Variants in CRACDL observed in about 807,000 individuals in gnomAD.
CRACDL encodes CRACD-like protein.
In CRACDL, 26 loss-of-function variants were observed where a neutral mutation model predicts 70.6. The ratio of observed to expected loss-of-function variants is 0.37; its 90% CI spans 0.27 to 0.51. The LOEUF (loss-of-function observed/expected upper bound fraction) is 0.51, where lower values mean the gene tolerates loss of function less well. Among genes scored for constraint, CRACDL ranks in the 20% least tolerant of loss-of-function variants. The pLI is 0.94. For synonymous variants in CRACDL, 618 were observed against 615.2 expected (o/e 1.00, Z -0.07); for missense variants, 1,283 against 1,376.9 (o/e 0.93, Z 1.08).
intron 7 of CRACDL, among the ~76,000 whole-genome samples, chr2:98,805,828 G>C (rs1704268091): frequency 6.6e-6 from 1 of 152,240 alleles, no homozygotes; most frequent in Non-Finnish European, 1.5e-5. Context: ...TCCCAGGCCA[G>C]GCTTTCTGTG....
At chr2:98,852,900 G>T (rs1706536088) in intron 1 of CRACDL, among the ~76,000 whole-genome samples, 1 of 148,302 alleles carries the variant, frequency 6.7e-6, no homozygotes. Flanking sequence ...GGAGTGGGGG[G>T]AGTGTGAAGA....
Position 98,869,250 on chromosome 2 carries a change from GT to G in CRACDL, c.-10-22441del, listed in dbSNP as rs1375293317. 2.4e-6 allele frequency: 3 copies of G among 1,270,722 alleles called. No homozygotes were observed. The African/African-American group carries it at 4.6e-5, about 20-fold the overall frequency. 78.7% of individuals were successfully genotyped at this position (1,270,722 alleles called of 1,614,324 possible). On this transcript the variant is annotated intron_variant, in intron 1 of 9. Transcript: ENST00000397899. ...CACTGGTTGCTGATCAAGAGCCCTT[GT>G]CCCCATCTCTCACAGAAGTACCCGT... is the stretch of plus-strand genomic sequence containing the variant.
At chr2:98,883,614 C>T (rs1707716191) in intron 1 of CRACDL, among the ~76,000 whole-genome samples, 1 of 152,130 alleles carries the variant, frequency 6.6e-6, no homozygotes, top group African/African-American at 2.4e-5. Context: ...TTGGGAAGAG[C>T]GTGTTTGTAT....
rs758137296 is a variant in CRACDL at position 98,823,180 on chromosome 2, C to T, written c.1093G>A (p.Gly365Ser). 1 of 1,505,846 alleles carries T rather than the reference C, an allele frequency of 6.6e-7. No homozygotes were observed. The highest frequency in any genetic ancestry group is 2.2e-5 in the Admixed American group (1 of 46,214). 93.3% of individuals were successfully genotyped at this position (1,505,846 alleles called of 1,614,324 possible). A position where few individuals can be genotyped will look rare whatever the true frequency, so the allele number is the denominator to read the frequency against. The change falls in exon 7 of 10, where the codon GGT becomes AGT. Residue 365 changes from glycine to serine, a missense_variant. This residue lies in a region of CRACDL where 921 missense variants were observed against 881.9 expected (regional missense o/e 1.04). Coordinates refer to ENST00000397899, the MANE Select transcript of CRACDL (RefSeq NM_207362.3). The surrounding 1 kb of genome is among the most constrained non-coding windows in gnomAD (Gnocchi z 4.0). ...CCATCCTGCTTTCCGCCGTCGGGAC[C>T]GGGATTCGGGGGGCCCTCCGGCGGG... is the stretch of plus-strand genomic sequence containing the variant. Reference protein sequence around the residue: ...PSPPEGPPNPGPDGGKQDGEA... With the variant: ...PSPPEGPPNPSPDGGKQDGEA...
At chr2:98,882,647 T>G (rs1707684053) in intron 1 of CRACDL, among the ~76,000 whole-genome samples, 1 of 152,110 alleles carries the variant, frequency 6.6e-6, no homozygotes, top group African/African-American at 2.4e-5. Flanking sequence ...GTCTCTCTGG[T>G]TTTTTTAAAG....
chr2:98,895,281 G>A (rs1388069553), intron 1 of CRACDL, among the ~76,000 whole-genome samples: 1 of 152,200 alleles, frequency 6.6e-6, no homozygotes, highest in Non-Finnish European at 1.5e-5. Context: ...AGATCTTATA[G>A]CCTAGATCTA....
intron 1 of CRACDL, among the ~76,000 whole-genome samples, chr2:98,883,319 T>C (rs908058009): frequency 8.5e-5 from 13 of 152,166 alleles, no homozygotes; most frequent in African/African-American, 3.1e-4. Context: ...GGAGGTCTTG[T>C]TGGCATGGAG....
intron 7 of CRACDL, among the ~76,000 whole-genome samples, chr2:98,815,774 C>T (rs113063228): frequency 0.022 from 3,366 of 152,254 alleles, 134 homozygotes; most frequent in African/African-American, 0.077. Context: ...CCATCTTCAG[C>T]AGGGGTGAGG....
At chr2:98,853,978 G>A (rs1036951544) in intron 1 of CRACDL, among the ~76,000 whole-genome samples, 8 of 152,048 alleles carry the variant, frequency 5.3e-5, no homozygotes, top group African/African-American at 1.9e-4. Context: ...CAAATAGGAA[G>A]AACAGAGGAA....
At chr2:98,849,578 G>C (rs186932053) in intron 1 of CRACDL, among the ~76,000 whole-genome samples, 2 of 151,968 alleles carry the variant, frequency 1.3e-5, no homozygotes, top group East Asian at 1.9e-4. Context: ...GGGCCGGGGA[G>C]GGGGGAGCAT....
intron 1 of CRACDL, among the ~76,000 whole-genome samples, chr2:98,928,933 C>T (rs1054238876): frequency 7.9e-5 from 12 of 152,184 alleles, no homozygotes; most frequent in African/African-American, 2.7e-4. Context: ...ATGATCACAG[C>T]TCAGAGACCG....
At chr2:98,902,347 G>A (rs373674906) in intron 1 of CRACDL, among the ~76,000 whole-genome samples, 2 of 152,122 alleles carry the variant, frequency 1.3e-5, no homozygotes, top group Non-Finnish European at 2.9e-5. Context: ...GAGAAGGCCC[G>A]TGATGACCCT....
chr2:98,808,865 C>A (rs530465247), intron 7 of CRACDL, among the ~76,000 whole-genome samples: 1 of 152,352 alleles, frequency 6.6e-6, no homozygotes, highest in East Asian at 1.9e-4. Context: ...TCTGAAATGG[C>A]ACCAGTGCAG....
intron 3 of CRACDL, among the ~76,000 whole-genome samples, chr2:98,837,257 C>T (rs1036802624): frequency 2.0e-5 from 3 of 150,382 alleles, no homozygotes; most frequent in African/African-American, 7.4e-5. Context: ...TCATCTGGTG[C>T]CACCAAGTGG....
intron 3 of CRACDL, among the ~76,000 whole-genome samples, chr2:98,836,062 C>G (rs1705766488): frequency 6.6e-6 from 1 of 152,122 alleles, no homozygotes. Context: ...AAAGCAAAGC[C>G]AGAATATGGG....
At chr2:98,824,578 G>A (rs1020036513) in intron 6 of CRACDL, among the ~76,000 whole-genome samples, 3 of 152,094 alleles carry the variant, frequency 2.0e-5, no homozygotes, top group Admixed American at 1.3e-4. Flanking sequence ...TGACGAAAAG[G>A]TTGATGGTGT....
In CRACDL at chr2:98,823,175, G is replaced by C. The variant is rs1399381077; in HGVS notation, c.1098C>G (p.Pro366=). The C allele has an allele frequency of 6.6e-7, 1 of 1,520,922 alleles. No homozygotes were observed. Among genetic ancestry groups the C allele is most frequent in the Non-Finnish European group, 8.8e-7 (1 of 1,137,354 alleles). The allele number at this position is 1,520,922 out of a possible 1,614,324, so 94.2% of individuals were successfully genotyped here. A position where few individuals can be genotyped will look rare whatever the true frequency, so the allele number is the denominator to read the frequency against. Residue 366 remains proline, a synonymous_variant, in exon 7 of 10, where the codon CCC becomes CCG. Transcript: ENST00000397899. This position sits in a 1 kb window ranked among gnomAD's most constrained non-coding sequence, Gnocchi z 4.0. ...CCTCCCCATCCTGCTTTCCGCCGTCGGGACCGGGATTCGGGGGGCCCTCCG... is the reference window on the plus strand; with the variant it reads ...CCTCCCCATCCTGCTTTCCGCCGTCCGGACCGGGATTCGGGGGGCCCTCCG... ...SPPEGPPNPG[P]DGGKQDGEAP...
rs752134948 is a variant in CRACDL, at chr2:98,823,174, C to T, written c.1099G>A (p.Asp367Asn). ...PPEGPPNPGP[D>N]GGKQDGEAPP... is the part of the protein sequence containing the mutation. ...GCCTCCCCATCCTGCTTTCCGCCGT[C>T]GGGACCGGGATTCGGGGGGCCCTCC... Residue 367 changes from aspartate (D) to asparagine (N), a missense_variant, in exon 7 of 10, where the codon GAC (aspartate) becomes AAC (asparagine). Asp to Asn is a conservative substitution (Grantham distance 23). Around this residue, in one of 2 missense-constraint regions of CRACDL, gnomAD observed 921 missense variants for 881.9 expected, o/e 1.04. Transcript: ENST00000397899. This position sits in a 1 kb window ranked among gnomAD's most constrained non-coding sequence, Gnocchi z 4.0. 15 of 1,520,406 alleles carry T rather than the reference C, an allele frequency of 9.9e-6. No individual in the cohort carries two copies. The highest frequency in any genetic ancestry group is 2.7e-5 in the East Asian group (1 of 37,272). The allele number at this position is 1,520,406 out of a possible 1,614,324, so 94.2% of individuals were successfully genotyped here.
At chr2:98,799,435 G>A (rs1429259410) in intron 7 of CRACDL, among the ~76,000 whole-genome samples, 1 of 151,986 alleles carries the variant, frequency 6.6e-6, no homozygotes, top group Non-Finnish European at 1.5e-5. Context: ...CCCTGGCCCT[G>A]GCAGCCAGGG....
Sources: gnomAD v4.1 joint callset for allele counts (sites outside exome capture counted in the v4.1 genomes callset) on GRCh38, gnomAD v4.1.1 for gene constraint, gnomAD v4.1.1 regional missense constraint, Gnocchi (gnomAD v3.1) non-coding constraint, MANE v1.5 for transcripts, NCBI Gene and HGNC (gene_info 2026-07-23, HGNC 2026-07-21) for gene names.